Variants in ARB2A observed in about 807,000 individuals in gnomAD.
ARB2A encodes cotranscriptional regulator ARB2A.
chr5:94,102,708 A>C, the ARB2A span, among the ~76,000 whole-genome samples: 1 of 152,070 alleles, frequency 6.6e-6, no homozygotes, highest in East Asian at 1.9e-4. Context: ...GCTGAAGACA[A>C]ATAGTCTTCA....
the ARB2A span, among the ~76,000 whole-genome samples, chr5:93,995,374 C>T: frequency 2.0e-5 from 3 of 152,152 alleles, no homozygotes; most frequent in African/African-American, 7.2e-5. Context: ...TGAATAATAC[C>T]ATGGGACCCG....
chr5:94,045,762 G>T, the ARB2A span, among the ~76,000 whole-genome samples: 1 of 152,116 alleles, frequency 6.6e-6, no homozygotes, highest in Non-Finnish European at 1.5e-5. Context: ...AAAATGCAAT[G>T]CAGAGTGATA....
At chr5:93,640,566 G>A in the ARB2A span, among the ~76,000 whole-genome samples, 1 of 148,196 alleles carries the variant, frequency 6.7e-6, no homozygotes, top group Non-Finnish European at 1.5e-5. Flanking sequence ...GTGTGTGTGT[G>A]TGTGTGTATG....
At chr5:93,716,899 A>C in the ARB2A span, among the ~76,000 whole-genome samples, 1 of 152,136 alleles carries the variant, frequency 6.6e-6, no homozygotes, top group Non-Finnish European at 1.5e-5. Flanking sequence ...GTTCTGCCTT[A>C]TTCCATAATA....
At chr5:93,872,585 G>A in the ARB2A span, among the ~76,000 whole-genome samples, 2 of 152,106 alleles carry the variant, frequency 1.3e-5, no homozygotes, top group East Asian at 3.9e-4. Context: ...TTATTGGCTT[G>A]TTTTACCAAA....
At chr5:93,819,787 G>A in the ARB2A span, among the ~76,000 whole-genome samples, 1 of 152,234 alleles carries the variant, frequency 6.6e-6, no homozygotes, top group East Asian at 1.9e-4. Flanking sequence ...GAGGTTGAGT[G>A]TCCTCATGCA....
the ARB2A span, among the ~76,000 whole-genome samples, chr5:94,065,298 G>A: frequency 1.3e-5 from 2 of 152,194 alleles, no homozygotes; most frequent in African/African-American, 2.4e-5. Flanking sequence ...CAGATCACTT[G>A]AGCTCAGGAG....
chr5:93,768,387 A>G, the ARB2A span, among the ~76,000 whole-genome samples: 1 of 151,784 alleles, frequency 6.6e-6, no homozygotes, highest in Non-Finnish European at 1.5e-5. Flanking sequence ...CAACAACAAC[A>G]AAAAGAAAAC....
the ARB2A span, among the ~76,000 whole-genome samples, chr5:94,100,224 A>T: frequency 4.3e-4 from 65 of 152,152 alleles, no homozygotes; most frequent in Non-Finnish European, 8.4e-4. Flanking sequence ...GAATGCAGTT[A>T]ATCAGGGAGG....
chr5:93,912,460 T>C, the ARB2A span, among the ~76,000 whole-genome samples: 1 of 151,742 alleles, frequency 6.6e-6, no homozygotes, highest in Admixed American at 6.6e-5. Context: ...TTCATTATGA[T>C]CTAAATCTCC....
chr5:93,909,588 T>C, the ARB2A span, among the ~76,000 whole-genome samples: 7 of 150,978 alleles, frequency 4.6e-5, no homozygotes, highest in South Asian at 4.1e-4. Context: ...AAATTAGTTA[T>C]AGTCTAACAT....
chr5:93,827,843 T>G, the ARB2A span, among the ~76,000 whole-genome samples: 1 of 152,068 alleles, frequency 6.6e-6, no homozygotes, highest in Admixed American at 6.5e-5. Context: ...GCACCATTTA[T>G]TAAATAGGGA....
At chr5:94,026,219 A>T in the ARB2A span, among the ~76,000 whole-genome samples, 1 of 151,610 alleles carries the variant, frequency 6.6e-6, no homozygotes, top group Non-Finnish European at 1.5e-5. Flanking sequence ...CCCTAGCCTC[A>T]CTCTACCCTG....
the ARB2A span, among the ~76,000 whole-genome samples, chr5:93,673,085 T>A: frequency 6.6e-6 from 1 of 152,248 alleles, no homozygotes; most frequent in African/African-American, 2.4e-5. Context: ...GTTTCTGAAG[T>A]TAATAGAATC....
the ARB2A span, among the ~76,000 whole-genome samples, chr5:94,049,694 C>T: frequency 5.9e-5 from 9 of 152,036 alleles, no homozygotes; most frequent in Non-Finnish European, 1.0e-4. Flanking sequence ...TGGTGGTGCA[C>T]GCCTGTAGTC....
At chr5:94,083,780 T>C in the ARB2A span, among the ~76,000 whole-genome samples, 4 of 148,772 alleles carry the variant, frequency 2.7e-5, no homozygotes, top group African/African-American at 7.5e-5. Flanking sequence ...TCAAATGATA[T>C]AACTATCTAA....
chr5:93,620,848 A>C, the ARB2A span: 2 of 1,121,428 alleles, frequency 1.8e-6, no homozygotes, highest in Non-Finnish European at 2.5e-6. Flanking sequence ...GCAAAACGCT[A>C]TTTAGATGTA....
chr5:93,834,712 C>T, the ARB2A span, among the ~76,000 whole-genome samples: 1 of 152,030 alleles, frequency 6.6e-6, no homozygotes, highest in African/African-American at 2.4e-5. Context: ...ATACTAAAAT[C>T]CCAATTTTAT....
chr5:93,994,041 A>G, the ARB2A span, among the ~76,000 whole-genome samples: 1 of 152,136 alleles, frequency 6.6e-6, no homozygotes, highest in Non-Finnish European at 1.5e-5. Context: ...TTGATCAACA[A>G]GAACTGCTGT....
Sources: gnomAD v4.1 joint callset for allele counts (sites outside exome capture counted in the v4.1 genomes callset) on GRCh38, gnomAD v4.1.1 for gene constraint, MANE v1.5 for transcripts, NCBI Gene and HGNC (gene_info 2026-07-23, HGNC 2026-07-21) for gene names.